FOCAD: variants seen among roughly 807,000 people sequenced by gnomAD.
The protein encoded by FOCAD is KIAA1797.
FOCAD carries 198 observed loss-of-function variants against 225.6 expected under a neutral mutation model. That is an observed-to-expected ratio of 0.88 (90% CI 0.78 to 0.99). The LOEUF is 0.99. FOCAD is among the 50% of genes least tolerant of loss of function. The pLI is 0.00. For synonymous variants in FOCAD, 897 were observed against 755.0 expected (o/e 1.19, Z -3.08); for missense variants, 2,713 against 2,123.6 (o/e 1.28, Z -5.46).
At position 20,770,794 on chromosome 9, in the gene FOCAD, C is replaced by T. The variant is rs76661246; in HGVS notation, c.906+556C>T. Among the ~76,000 whole-genome samples, 258 of 152,294 alleles carry T rather than the reference C, an allele frequency of 1.7e-3. 3 individuals are homozygous for T. The East Asian group carries it at 0.042, about 25-fold the overall frequency. On this transcript the variant is annotated intron_variant, in intron 8 of 43. Transcript: ENST00000338382. ...ATTAGCGCATATTGCTATTGCACTACTGGTAATATCATTTATTAGAAAAAG... is the reference window on the plus strand; with the variant it reads ...ATTAGCGCATATTGCTATTGCACTATTGGTAATATCATTTATTAGAAAAAG...
chr9:20,963,270 C>T (rs1446140973), intron 35 of FOCAD, among the ~76,000 whole-genome samples: 1 of 152,140 alleles, frequency 6.6e-6, no homozygotes, highest in Non-Finnish European at 1.5e-5. Flanking sequence ...CTGACACTTG[C>T]ATGTATATTA....
intron 24 of FOCAD, among the ~76,000 whole-genome samples, chr9:20,919,574 A>G (rs571319125): frequency 1.7e-4 from 26 of 152,228 alleles, no homozygotes; most frequent in African/African-American, 3.1e-4. Flanking sequence ...CTACAAGGCT[A>G]CAGTAACCAA....
chr9:20,749,813 A>G (rs1158061398), intron 5 of FOCAD, among the ~76,000 whole-genome samples: 1 of 152,196 alleles, frequency 6.6e-6, no homozygotes, highest in Non-Finnish European at 1.5e-5. Context: ...AAGGTTACAA[A>G]TAACTTTTGC....
intron 35 of FOCAD, among the ~76,000 whole-genome samples, chr9:20,964,711 T>G (rs543478941): frequency 6.6e-6 from 1 of 152,172 alleles, no homozygotes; most frequent in Non-Finnish European, 1.5e-5. Flanking sequence ...AATTTTTGTA[T>G]TTTTAGTAGA....
chr9:20,835,684 AAGAG>A (rs1825924526), intron 15 of FOCAD, among the ~76,000 whole-genome samples: 1 of 152,110 alleles, frequency 6.6e-6, no homozygotes, highest in Non-Finnish European at 1.5e-5. Flanking sequence ...ATTGTTCTGA[AAGAG>A]AGAGATTAAC....
intron 17 of FOCAD, among the ~76,000 whole-genome samples, chr9:20,866,508 C>T (rs1587446006): frequency 2.0e-5 from 3 of 152,006 alleles, no homozygotes; most frequent in South Asian, 4.1e-4. Context: ...AATCATACTA[C>T]TTCATGGAGA....
intron 15 of FOCAD, among the ~76,000 whole-genome samples, chr9:20,853,699 GT>G (rs1827892354): frequency 6.6e-6 from 1 of 151,688 alleles, no homozygotes; most frequent in African/African-American, 2.4e-5. Context: ...TTATAAGTGA[GT>G]TTTAAAAAGG....
chr9:20,866,768 G>C (rs565197027), intron 17 of FOCAD, among the ~76,000 whole-genome samples, 161 bp from the exon 18 acceptor site: 81 of 151,500 alleles, frequency 5.3e-4, no homozygotes, highest in African/African-American at 1.7e-3. Flanking sequence ...CTTTTAGCTA[G>C]GCAAAGCTTT....
At chr9:20,714,638 T>TGCCTGCCTG (rs1563905518) in intron 1 of FOCAD, among the ~76,000 whole-genome samples, 6,100 of 53,850 alleles carry the variant, frequency 0.11, 353 homozygotes, top group Admixed American at 0.14. Context: ...CTGCCTGCCT[T>TGCCTGCCTG]CCTTCCTTCC....
chr9:20,861,451 G>C (rs551214625), intron 15 of FOCAD, among the ~76,000 whole-genome samples: 118 of 152,230 alleles, frequency 7.8e-4, no homozygotes, highest in African/African-American at 2.7e-3. Context: ...CCTTAGGAAA[G>C]GTTAGTTGAA....
At chr9:20,688,946 T>G (rs1749973628) in intron 1 of FOCAD, among the ~76,000 whole-genome samples, 1 of 152,174 alleles carries the variant, frequency 6.6e-6, no homozygotes, top group African/African-American at 2.4e-5. Context: ...AGTATTTGGA[T>G]TTTGTTACGT....
At chr9:20,792,476 T>G (rs957789457) in intron 11 of FOCAD, among the ~76,000 whole-genome samples, 4 of 152,214 alleles carry the variant, frequency 2.6e-5, no homozygotes, top group Admixed American at 6.5e-5. Context: ...CGTATCCCCA[T>G]TGATGAGTTT....
At chr9:20,698,979 A>G (rs1169756151) in intron 1 of FOCAD, among the ~76,000 whole-genome samples, 2 of 152,184 alleles carry the variant, frequency 1.3e-5, no homozygotes, top group South Asian at 2.1e-4. Flanking sequence ...GTAAGATCAA[A>G]TGCTCAGGAA....
chr9:20,758,050 C>T lies in FOCAD; in HGVS notation c.393-40C>T, dbSNP rs757456172. On this transcript the variant is annotated intron_variant, in intron 5 of 43. Transcript: ENST00000338382. ...ATTTGGATATTGAAAATGTGTAGTC[C>T]TGAATAACAGGTTCCCATGTGACTT... is the stretch of plus-strand genomic sequence containing the variant. The T allele has an allele frequency of 2.8e-6, 4 of 1,416,238 alleles. No individual in the cohort carries two copies. The South Asian group carries it at 4.9e-5, about 17-fold the overall frequency. 87.7% of individuals were successfully genotyped at this position (1,416,238 alleles called of 1,614,324 possible).
rs777469408 is a variant in FOCAD at position 20,786,108 on chromosome 9, C to G, written c.1198-3243C>G. Among the ~76,000 whole-genome samples the G allele has an allele frequency of 5.3e-5, 8 of 152,110 alleles. No individual in the cohort carries two copies. In the East Asian group the frequency reaches 5.8e-4, roughly 11 times the overall value. On this transcript the variant is annotated intron_variant, in intron 10 of 43. Transcript: ENST00000338382. Reference sequence around the variant, plus strand: ...GGTAGAGTTGGAATTCAGATTTTGACTGTTTGATTCTAGGGCCTGAATCCT... The same window carrying G: ...GGTAGAGTTGGAATTCAGATTTTGAGTGTTTGATTCTAGGGCCTGAATCCT...
chr9:20,782,897 C>G (rs1234880623), intron 10 of FOCAD, among the ~76,000 whole-genome samples: 1 of 152,206 alleles, frequency 6.6e-6, no homozygotes, highest in African/African-American at 2.4e-5. Context: ...ACTACAGCTT[C>G]CTAAATCCTA....
chr9:20,718,109 A>G (rs1375272962), intron 3 of FOCAD, among the ~76,000 whole-genome samples: 1 of 152,196 alleles, frequency 6.6e-6, no homozygotes, highest in African/African-American at 2.4e-5. Context: ...GGAGAGGAGT[A>G]TTCTTATGAC....
chr9:20,682,718 C>G (rs904981966), upstream of FOCAD, among the ~76,000 whole-genome samples: 1 of 152,194 alleles, frequency 6.6e-6, no homozygotes, highest in Non-Finnish European at 1.5e-5. Context: ...CCTTATAAAA[C>G]TCCTTTGAAG....
At chr9:20,960,187 T>G (rs1838573024) in intron 35 of FOCAD, among the ~76,000 whole-genome samples, 1 of 152,232 alleles carries the variant, frequency 6.6e-6, no homozygotes, top group Non-Finnish European at 1.5e-5. Flanking sequence ...GTTTTAAGAT[T>G]AGAAGCCAGT....
Sources: allele counts gnomAD v4.1 joint callset (sites outside exome capture counted in the v4.1 genomes callset), GRCh38; gene constraint gnomAD v4.1.1; transcripts MANE v1.5; gene names NCBI Gene and HGNC (gene_info 2026-07-23, HGNC 2026-07-21).